Variants in BICD1 observed in about 807,000 individuals in gnomAD.
BICD1 encodes the protein protein bicaudal D homolog 1.
A neutral mutation model predicts 92.5 loss-of-function variants in BICD1; 35 were observed. The observed-to-expected ratio is 0.38, with a 90% CI of 0.29 to 0.50. BICD1 has a LOEUF of 0.50. BICD1 is among the 20% of genes least tolerant of loss of function. The pLI, the probability that BICD1 is intolerant of heterozygous loss-of-function variation, is 0.93. For missense variants in BICD1, 950 were observed against 1,189.8 expected, an observed-to-expected ratio of 0.80 and a Z score of 2.97; for synonymous variants, 429 against 465.1, an observed-to-expected ratio of 0.92 and a Z score of 1.00.
At chr12:32,135,386 CTTTTTTTTTTTTTT>C (rs71064999) in intron 1 of BICD1, among the ~76,000 whole-genome samples, 56 of 44,834 alleles carry the variant, frequency 1.2e-3, no homozygotes, top group East Asian at 2.4e-3. Flanking sequence ...CCATGCGTGG[CTTTTTTTTTTTTTT>C]TTTTTTTTTT....
intron 1 of BICD1, among the ~76,000 whole-genome samples, chr12:32,153,963 C>T (rs1943364283): frequency 6.6e-6 from 1 of 151,966 alleles, no homozygotes; most frequent in Admixed American, 6.6e-5. Flanking sequence ...TTGCGGTAGC[C>T]ATGTGAACAT....
chr12:32,340,890 C>T (rs1395698810), intron 8 of BICD1, among the ~76,000 whole-genome samples: 1 of 152,154 alleles, frequency 6.6e-6, no homozygotes, highest in African/African-American at 2.4e-5. Flanking sequence ...AGCTTCTCAT[C>T]TATTACATTT....
Position 32,161,543 on chromosome 12 carries a change from A to G in BICD1, c.213+53999A>G, listed in dbSNP as rs561891948. Among the ~76,000 whole-genome samples, 337 of 152,310 alleles carry G rather than the reference A, an allele frequency of 2.2e-3. 1 individual carries two copies. The highest frequency in any genetic ancestry group is 3.7e-3 in the Admixed American group (56 of 15,300). ...TCTAAACTCCTGATCATAACTTACC[A>G]TAGTTTGAAGGTTAAGATCAATAAA... is the stretch of plus-strand genomic sequence containing the variant. On this transcript the variant is annotated intron_variant, in intron 1 of 9. Transcript: ENST00000652176.
chr12:32,345,067 G>T (rs1938516088), intron 8 of BICD1, among the ~76,000 whole-genome samples: 1 of 152,122 alleles, frequency 6.6e-6, no homozygotes, highest in African/African-American at 2.4e-5. Context: ...CAGGAGGATT[G>T]CTTGAGCCCA....
At chr12:32,293,561 C>G (rs1480716207) in intron 2 of BICD1, among the ~76,000 whole-genome samples, 1 of 151,792 alleles carries the variant, frequency 6.6e-6, no homozygotes, top group Non-Finnish European at 1.5e-5. Flanking sequence ...AACTCCTGAC[C>G]TCAGGTGATC....
intron 1 of BICD1, among the ~76,000 whole-genome samples, chr12:32,205,958 T>A (rs948892160): frequency 6.6e-6 from 1 of 152,130 alleles, no homozygotes; most frequent in Non-Finnish European, 1.5e-5. Context: ...TGTTACTGAA[T>A]GTACTCTTGC....
At chr12:32,358,963 G>A (rs1157953022) in intron 8 of BICD1, among the ~76,000 whole-genome samples, 1 of 151,826 alleles carries the variant, frequency 6.6e-6, no homozygotes, top group Non-Finnish European at 1.5e-5. Context: ...TTCTGTCATT[G>A]CCTAAAATCC....
intron 5 of BICD1, among the ~76,000 whole-genome samples, chr12:32,330,872 C>T (rs140631721): frequency 2.5e-3 from 380 of 152,278 alleles, no homozygotes; most frequent in African/African-American, 8.7e-3. Context: ...CAATGGCTCA[C>T]GCCTGTAATG....
chr12:32,216,156 A>C (rs1043745086), intron 1 of BICD1, 91 bp from the exon 2 acceptor site: 6 of 1,341,990 alleles, frequency 4.5e-6, no homozygotes, highest in South Asian at 1.4e-5. Context: ...TTTCTTACAC[A>C]TATAAGCAGA....
At chr12:32,136,068 A>G (rs746826321) in intron 1 of BICD1, among the ~76,000 whole-genome samples, 5 of 152,234 alleles carry the variant, frequency 3.3e-5, no homozygotes, top group Non-Finnish European at 5.9e-5. Context: ...CAAAGTACAC[A>G]TTCTTTAGCT....
chr12:32,143,466 T>C (rs1943011914), intron 1 of BICD1, among the ~76,000 whole-genome samples: 1 of 152,166 alleles, frequency 6.6e-6, no homozygotes, highest in African/African-American at 2.4e-5. Context: ...TTTTTTTTTG[T>C]GTGTGTGTGA....
At position 32,198,323 on chromosome 12, in the gene BICD1, C is replaced by CATATATATATATATATATATATATAT. The variant is rs765984931; in HGVS notation, c.214-17922_214-17921insATATATATATATATATATATATATAT. Among the ~76,000 whole-genome samples, 32 of 87,914 alleles carry CATATATATATATATATATATATATAT rather than the reference C, an allele frequency of 3.6e-4. 3 individuals carry two copies. The highest frequency in any genetic ancestry group is 5.0e-4 in the Non-Finnish European group (22 of 43,730). The allele number at this position is 87,914 out of a possible 152,430, so 57.7% of individuals were successfully genotyped here. ...AGGGGATGATTATGGGAATAATATG[C>CATATATATATATATATATATATATAT]ATCTATCTATATATATATATATATA... On this transcript the variant is annotated intron_variant, in intron 1 of 9. Transcript: ENST00000652176.
At chr12:32,304,533 C>G (rs1356313178) in intron 3 of BICD1, among the ~76,000 whole-genome samples, 1 of 152,172 alleles carries the variant, frequency 6.6e-6, no homozygotes, top group Non-Finnish European at 1.5e-5. Context: ...CTTACTTTCT[C>G]TAAGGAGATT....
intron 2 of BICD1, among the ~76,000 whole-genome samples, chr12:32,222,661 C>T (rs927763575): frequency 2.6e-5 from 4 of 152,110 alleles, no homozygotes; most frequent in Non-Finnish European, 5.9e-5. Context: ...TGAATGTGCC[C>T]CTTTTAAATT....
chr12:32,358,543 C>T (rs570605454), intron 8 of BICD1, among the ~76,000 whole-genome samples: 157 of 152,096 alleles, frequency 1.0e-3, no homozygotes, highest in Non-Finnish European at 1.8e-3. Context: ...TGGAGACCAT[C>T]CTGGCCAACA....
chr12:32,120,476 C>G (rs1476059042), intron 1 of BICD1, among the ~76,000 whole-genome samples: 2 of 152,188 alleles, frequency 1.3e-5, no homozygotes, highest in African/African-American at 4.8e-5. Flanking sequence ...TTGTTTTTCT[C>G]TTGCATACTG....
intron 9 of BICD1, among the ~76,000 whole-genome samples, chr12:32,370,605 A>G (rs2136335831): frequency 6.6e-6 from 1 of 152,298 alleles, no homozygotes; most frequent in East Asian, 1.9e-4. Context: ...CTCTGGAATC[A>G]GATTGCTTGG....
At chr12:32,287,212 A>G (rs1208568277) in intron 2 of BICD1, among the ~76,000 whole-genome samples, 1 of 152,176 alleles carries the variant, frequency 6.6e-6, no homozygotes, top group East Asian at 1.9e-4. Context: ...GAAATTTAGC[A>G]TTTTCTTCTA....
chr12:32,197,769 T>C (rs985442), intron 1 of BICD1, among the ~76,000 whole-genome samples: 131,705 of 152,240 alleles, frequency 0.87, 57,111 homozygotes, highest in East Asian at 0.91. Flanking sequence ...AGAAAGGGGG[T>C]TTCACCCAGC....
Sources: allele counts gnomAD v4.1 joint callset (sites outside exome capture counted in the v4.1 genomes callset), GRCh38; gene constraint gnomAD v4.1.1; transcripts MANE v1.5; gene names NCBI Gene and HGNC (gene_info 2026-07-23, HGNC 2026-07-21).